PLD1: variants seen among roughly 807,000 people sequenced by gnomAD.
PLD1 encodes phospholipase D1, also known as choline phosphatase 1.
A neutral mutation model predicts 137.1 loss-of-function variants in PLD1; 112 were observed. The ratio of observed to expected loss-of-function variants is 0.82; its 90% CI spans 0.70 to 0.96. PLD1 has a LOEUF of 0.96. PLD1 is among the 40% of genes least tolerant of loss of function. PLD1 has a pLI of 0.00. For synonymous variants in PLD1, 431 were observed against 454.7 expected (o/e 0.95, Z 0.66); for missense variants, 1,321 against 1,342.0 (o/e 0.98, Z 0.24).
In PLD1 at chr3:171,724,719, T is replaced by C; in HGVS notation, c.735A>G (p.Arg245=). Residue 245 remains arginine (R), a synonymous_variant, in exon 8 of 27, where the codon AGA becomes AGG. Coordinates refer to ENST00000351298, the MANE Select transcript of PLD1 (RefSeq NM_002662.5). The stretch of plus-strand genomic sequence containing the variant: ...ACCTTTTTGACCATCTGTAGCAGGC[T>C]CTTCCCTGACCACAGCAATTCAAGC... ...IPGLNCCGQG[R]ACYRWSKRWL... is the part of the protein sequence containing the mutation. The C allele has an allele frequency of 6.2e-7, 1 of 1,607,910 alleles. No homozygotes were observed. The highest frequency in any genetic ancestry group is 1.1e-5 in the South Asian group (1 of 90,964).
chr3:171,752,616 G>T (rs757177363), intron 1 of PLD1, among the ~76,000 whole-genome samples: 15 of 152,174 alleles, frequency 9.9e-5, no homozygotes, highest in Non-Finnish European at 1.9e-4. Flanking sequence ...ACACTTCAGA[G>T]GCTTTAATAT....
chr3:171,762,664 G>A (rs1275677702), intron 1 of PLD1, among the ~76,000 whole-genome samples: 1 of 152,216 alleles, frequency 6.6e-6, no homozygotes, highest in African/African-American at 2.4e-5. Context: ...CCAGGAGAGA[G>A]GAAGGGGTAT....
chr3:171,620,423 G>T lies in PLD1; in HGVS notation c.2691C>A (p.Ser897Arg), dbSNP rs1239828518. 6.3e-7 allele frequency: 1 copy of T among 1,598,870 alleles called. No individual in the cohort carries two copies. Residue 897 changes from serine (S) to arginine (R), a missense_variant, in exon 24 of 27, where the codon AGC (serine) becomes AGA (arginine). By Grantham distance (110) the Ser-to-Arg change is moderately radical. Transcript: ENST00000351298. Reference protein sequence around the residue: ...NLVTELIYVHSKLLIADDNTV... With the variant: ...NLVTELIYVHRKLLIADDNTV... Reference sequence around the variant, plus strand: ...TGTTATCATCAGCAATTAACAACTTGCTGTGGACATAGATAAGCTCAGTTA... The same window carrying T: ...TGTTATCATCAGCAATTAACAACTTTCTGTGGACATAGATAAGCTCAGTTA...
At chr3:171,666,364 C>G (rs139596940) in intron 19 of PLD1, 1 of 152,142 alleles carries the variant, frequency 6.6e-6, no homozygotes, top group Non-Finnish European at 1.5e-5. Context: ...GGGGAACTGC[C>G]CTTTATAAAA....
intron 1 of PLD1, among the ~76,000 whole-genome samples, chr3:171,743,573 C>CA (rs1719931997): frequency 1.3e-5 from 2 of 152,212 alleles, no homozygotes; most frequent in African/African-American, 4.8e-5. Context: ...ATAGCGCTCT[C>CA]CACTTTTCTC....
At chr3:171,619,645 T>C (rs1304191173) in intron 24 of PLD1, among the ~76,000 whole-genome samples, 2 of 152,236 alleles carry the variant, frequency 1.3e-5, no homozygotes, top group Non-Finnish European at 2.9e-5. Flanking sequence ...TTTCGACTTT[T>C]GTACAACTTC....
At chr3:171,662,796 T>A (rs113244579) in intron 19 of PLD1, among the ~76,000 whole-genome samples, 1 of 152,260 alleles carries the variant, frequency 6.6e-6, no homozygotes, top group African/African-American at 2.4e-5. Context: ...CACGCCACTT[T>A]AGTCTAAACT....
chr3:171,611,683 C>A (rs1732671018), intron 25 of PLD1: 1 of 507,032 alleles, frequency 2.0e-6, no homozygotes, highest in African/African-American at 2.0e-5. Context: ...CAGTCACTGG[C>A]ATACCCCTTC....
At position 171,645,034 on chromosome 3, in the gene PLD1, C is replaced by T. The variant is rs1272915803; in HGVS notation, c.2430-11G>A. ...TATTTCTGGTTTTCCCTGCAAAGGTCAGATGCAGAGAAATTCACCCAAAAA... is the reference window on the plus strand; with the variant it reads ...TATTTCTGGTTTTCCCTGCAAAGGTTAGATGCAGAGAAATTCACCCAAAAA... On this transcript the variant is annotated splice_polypyrimidine_tract_variant and intron_variant, in intron 21 of 26. Transcript: ENST00000351298. 2 of 1,541,242 alleles carry T rather than the reference C, an allele frequency of 1.3e-6. No individual in the cohort carries two copies. The highest frequency in any genetic ancestry group is 1.8e-6 in the Non-Finnish European group (2 of 1,113,576).
intron 8 of PLD1, among the ~76,000 whole-genome samples, chr3:171,723,340 T>C (rs1425622067): frequency 6.6e-6 from 1 of 152,204 alleles, no homozygotes; most frequent in Non-Finnish European, 1.5e-5. Context: ...TACCCCATCA[T>C]GTGTATGTAC....
At chr3:171,625,425 G>C (rs1449211484) in intron 23 of PLD1, among the ~76,000 whole-genome samples, 1 of 152,248 alleles carries the variant, frequency 6.6e-6, no homozygotes, top group Non-Finnish European at 1.5e-5. Flanking sequence ...TCTGGGGGCA[G>C]GGCACAGACA....
At chr3:171,785,499 C>A (rs1560302553) in intron 1 of PLD1, among the ~76,000 whole-genome samples, 1 of 150,356 alleles carries the variant, frequency 6.7e-6, no homozygotes, top group Non-Finnish European at 1.5e-5. Context: ...AGTGCACTGG[C>A]ATGATCTCAG....
At chr3:171,703,441 C>T (rs370663003) in intron 11 of PLD1, among the ~76,000 whole-genome samples, 3 of 152,226 alleles carry the variant, frequency 2.0e-5, no homozygotes, top group South Asian at 4.1e-4. Flanking sequence ...CAACCCTAAG[C>T]AATCTACAAA....
chr3:171,615,842 T>C lies in PLD1; in HGVS notation c.2729-3410A>G, dbSNP rs968555649. Among the ~76,000 whole-genome samples, 6 of 152,360 alleles carry C rather than the reference T, an allele frequency of 3.9e-5. No individual in the cohort carries two copies. In the South Asian group the frequency reaches 1.0e-3, roughly 26 times the overall value. On this transcript the variant is annotated intron_variant, in intron 24 of 26. Coordinates refer to ENST00000351298, the MANE Select transcript of PLD1 (RefSeq NM_002662.5). ...TCTACATAGCTGAGTATTTGTTTCTTGGTATAGACATGTGTGAGTTTCTTA... is the reference window on the plus strand; with the variant it reads ...TCTACATAGCTGAGTATTTGTTTCTCGGTATAGACATGTGTGAGTTTCTTA...
intron 6 of PLD1, 28 bp from the exon 7 acceptor site, chr3:171,726,104 A>G: frequency 6.6e-7 from 1 of 1,523,362 alleles, no homozygotes; most frequent in Non-Finnish European, 9.1e-7. Context: ...ATCCATCTTT[A>G]GCAAGCAAAA....
intron 7 of PLD1, among the ~76,000 whole-genome samples, 180 bp from the exon 8 acceptor site, chr3:171,724,968 A>T (rs915110646): frequency 3.9e-5 from 6 of 152,052 alleles, no homozygotes; most frequent in Non-Finnish European, 8.8e-5. Flanking sequence ...CTAGAGGCGA[A>T]CCCTAAAATA....
At chr3:171,716,938 C>G (rs1399950651) in intron 8 of PLD1, among the ~76,000 whole-genome samples, 2 of 152,206 alleles carry the variant, frequency 1.3e-5, no homozygotes, top group Non-Finnish European at 2.9e-5. Context: ...AGCCAGTTAT[C>G]CCAGCATCAT....
chr3:171,671,547 C>T (rs1712753505), intron 19 of PLD1, among the ~76,000 whole-genome samples: 2 of 152,146 alleles, frequency 1.3e-5, no homozygotes, highest in Non-Finnish European at 2.9e-5. Flanking sequence ...CTTCACTTGT[C>T]CCCTTGCTCT....
chr3:171,675,843 CTT>C (rs199846452), intron 18 of PLD1, among the ~76,000 whole-genome samples: 56,994 of 138,218 alleles, frequency 0.41, 11,229 homozygotes, highest in African/African-American at 0.52. Flanking sequence ...TGAATATGTA[CTT>C]TTTTTTTTTT....
Sources: allele counts gnomAD v4.1 joint callset (sites outside exome capture counted in the v4.1 genomes callset), GRCh38; gene constraint gnomAD v4.1.1; transcripts MANE v1.5; gene names NCBI Gene and HGNC (gene_info 2026-07-23, HGNC 2026-07-21).